HERC1: variants seen among roughly 807,000 people sequenced by gnomAD.
HERC1 encodes the protein probable E3 ubiquitin-protein ligase HERC1.
In HERC1, 160 loss-of-function variants were observed where a neutral mutation model predicts 554.3. The observed-to-expected ratio is 0.29, with a 90% CI of 0.25 to 0.33. The LOEUF (loss-of-function observed/expected upper bound fraction) is 0.33, where lower values mean the gene tolerates loss of function less well. Ranked by LOEUF, HERC1 falls within the 10% of genes least tolerant of loss-of-function variation. The pLI, the probability that HERC1 is intolerant of heterozygous loss-of-function variation, is 1.00. For missense variants in HERC1, 4,919 were observed against 5,918.5 expected (o/e 0.83, Z 5.54); for synonymous variants, 2,175 against 2,131.7 (o/e 1.02, Z -0.56).
rs183301781 is a variant in HERC1 at position 63,738,542 on chromosome 15, G to A, written c.2521-3693C>T. On this transcript the variant is annotated intron_variant, in intron 12 of 77. Transcript: ENST00000443617. ...ATGCAATATTTCCTTAAGTCTACAGGTAGTTCAAATAAAAAAATTTTTTAA... is the reference window on the plus strand; with the variant it reads ...ATGCAATATTTCCTTAAGTCTACAGATAGTTCAAATAAAAAAATTTTTTAA... Among the ~76,000 whole-genome samples the A allele has an allele frequency of 1.8e-4, 28 of 152,192 alleles. No homozygotes were observed. In the East Asian group the frequency reaches 5.2e-3, roughly 28 times the overall value.
chr15:63,692,581 C>A lies in HERC1; in HGVS notation c.5675-15G>T. ...CCTAAGAGCAGCTACAGTGAAGAGA[C>A]AAGTTTACGTTACAACCAAGAGCCA... On this transcript the variant is annotated splice_polypyrimidine_tract_variant and intron_variant, in intron 30 of 77. Coordinates refer to ENST00000443617, the MANE Select transcript of HERC1 (RefSeq NM_003922.4). This position sits in a 1 kb window ranked among gnomAD's most constrained non-coding sequence, Gnocchi z 4.7. 6.3e-7 allele frequency: 1 copy of A among 1,584,646 alleles called. No homozygotes were observed. The highest frequency in any genetic ancestry group is 1.9e-5 in the Admixed American group (1 of 52,470).
chr15:63,643,177 C>A (rs2069155767), intron 58 of HERC1, 119 bp from the exon 59 acceptor site: 1 of 880,336 alleles, frequency 1.1e-6, no homozygotes, highest in South Asian at 1.6e-5. Context: ...CTAAATTCAG[C>A]AACGTCCAAT....
At chr15:63,626,644 T>C (rs905423064) in intron 70 of HERC1, among the ~76,000 whole-genome samples, 1 of 152,162 alleles carries the variant, frequency 6.6e-6, no homozygotes, top group East Asian at 1.9e-4. Context: ...AGGTGCATGA[T>C]TCATGAGGCT....
intron 30 of HERC1, among the ~76,000 whole-genome samples, chr15:63,693,761 G>T (rs1376766753): frequency 6.6e-6 from 1 of 152,042 alleles, no homozygotes; most frequent in Non-Finnish European, 1.5e-5. Flanking sequence ...ACAACATGAG[G>T]GTTAACAGAC....
chr15:63,652,326 GACAATATGATTACATTAAC>G (rs1456412408), intron 52 of HERC1, 69 bp downstream of exon 52: 35 of 1,244,538 alleles, frequency 2.8e-5, no homozygotes, highest in Non-Finnish European at 3.7e-5. Context: ...AAATTTTAGT[GACAATATGATTACATTAAC>G]ACAACCAAGA....
chr15:63,765,001 T>C (rs1157661449), intron 2 of HERC1, among the ~76,000 whole-genome samples: 2 of 152,106 alleles, frequency 1.3e-5, no homozygotes, highest in African/African-American at 2.4e-5. Context: ...AAATAAAACC[T>C]TGAGACTCCA....
At chr15:63,638,658 G>T (rs2068893160) in intron 62 of HERC1, 53 bp downstream of exon 62, 20 of 1,586,236 alleles carry the variant, frequency 1.3e-5, no homozygotes, top group Non-Finnish European at 1.6e-5. Flanking sequence ...CAAGCATTTA[G>T]AATCAAAACA....
intron 40 of HERC1, among the ~76,000 whole-genome samples, chr15:63,667,691 T>C (rs2070711277): frequency 6.6e-6 from 1 of 152,212 alleles, no homozygotes; most frequent in African/African-American, 2.4e-5. Flanking sequence ...AGTGGTACAA[T>C]ATCACCTTAA....
chr15:63,807,460 A>G (rs2077171787), intron 1 of HERC1, among the ~76,000 whole-genome samples: 3 of 152,024 alleles, frequency 2.0e-5, no homozygotes, highest in African/African-American at 7.3e-5. Context: ...ATCAGTTTCC[A>G]GTGTTCCTCT....
intron 46 of HERC1, 59 bp from the exon 47 acceptor site, chr15:63,659,995 G>T: frequency 1.5e-6 from 2 of 1,310,126 alleles, no homozygotes; most frequent in Non-Finnish European, 2.2e-6. Context: ...TAAATCTGCT[G>T]GCAATGGTTG....
chr15:63,655,528 GT>G lies in HERC1; in HGVS notation c.10084+213del, dbSNP rs11365904. On this transcript the variant is annotated intron_variant, in intron 50 of 77. Coordinates refer to ENST00000443617, the MANE Select transcript of HERC1 (RefSeq NM_003922.4). ...AAACCTACCAGGATTATTATCTATG[GT>G]TAACTCAAATCATAATCTATAACTA... is the stretch of plus-strand genomic sequence containing the variant. Among the ~76,000 whole-genome samples, 123,717 of 152,082 alleles carry G rather than the reference GT, an allele frequency of 0.81. 52,200 individuals carry two copies. Among genetic ancestry groups the G allele is most frequent in the Non-Finnish European group, 0.88 (59,514 of 67,978 alleles).
intron 8 of HERC1, among the ~76,000 whole-genome samples, chr15:63,752,295 C>T (rs1026451102): frequency 2.6e-5 from 4 of 152,174 alleles, no homozygotes; most frequent in Admixed American, 6.5e-5. Context: ...CTATACATGA[C>T]AGAATAAGTG....
chr15:63,796,142 G>C (rs74489711), intron 1 of HERC1, among the ~76,000 whole-genome samples: 1,604 of 152,226 alleles, frequency 0.011, 21 homozygotes, highest in African/African-American at 0.037. Flanking sequence ...TAGTTAAATA[G>C]GGAGGAAAAT....
intron 25 of HERC1, among the ~76,000 whole-genome samples, chr15:63,705,909 A>G (rs760210069): frequency 5.3e-5 from 8 of 151,716 alleles, no homozygotes; most frequent in Non-Finnish European, 1.0e-4. Flanking sequence ...GCACACCTGC[A>G]GTCCCAGCTA....
At chr15:63,822,035 C>G (rs1172453847) in intron 1 of HERC1, among the ~76,000 whole-genome samples, 2 of 151,792 alleles carry the variant, frequency 1.3e-5, no homozygotes, top group Non-Finnish European at 2.9e-5. Context: ...GAAGATCTCT[C>G]TACAGGGGTG....
chr15:63,660,062 T>A, intron 46 of HERC1, 126 bp from the exon 47 acceptor site: 1 of 768,390 alleles, frequency 1.3e-6, no homozygotes, highest in Non-Finnish European at 2.1e-6. Context: ...CTCACGCCTG[T>A]AATCCCAACA....
rs770346680 is a variant in HERC1, at chr15:63,754,666, CA to C, written c.1631-19del. 8.1e-6 allele frequency: 13 copies of C among 1,604,420 alleles called. No homozygotes were observed. The African/African-American group carries it at 1.6e-4, about 20-fold the overall frequency. ...ACCATGACCTTGGATAAAACACACA[CA>C]ACAACAAAGAAACAACATTAACTCT... On this transcript the variant is annotated intron_variant, in intron 6 of 77. Transcript: ENST00000443617.
At chr15:63,792,706 G>A (rs80205347) in intron 1 of HERC1, among the ~76,000 whole-genome samples, 3,356 of 152,200 alleles carry the variant, frequency 0.022, 127 homozygotes, top group African/African-American at 0.074. Context: ...AAATGTGTGG[G>A]AGATTTTCTC....
Position 63,801,678 on chromosome 15 carries a change from G to A in HERC1, c.-26-26029C>T, listed in dbSNP as rs1367861125. On this transcript the variant is annotated intron_variant, in intron 1 of 77. Transcript: ENST00000443617. ...AATCTGAATCCAGGTAGTCCATTAT[G>A]CATATTGAATATAATTTAATCTCAC... 2.0e-5 allele frequency among the ~76,000 whole-genome samples: 3 copies of A among 152,286 alleles called. No individual in the cohort carries two copies. In the East Asian group the frequency reaches 5.8e-4, roughly 29 times the overall value.
Sources: gnomAD v4.1 joint callset for allele counts (sites outside exome capture counted in the v4.1 genomes callset) on GRCh38, gnomAD v4.1.1 for gene constraint, Gnocchi (gnomAD v3.1) non-coding constraint, MANE v1.5 for transcripts, NCBI Gene and HGNC (gene_info 2026-07-23, HGNC 2026-07-21) for gene names.